The following SPTBN1 variants were observed in gnomAD, a reference collection of about 807,000 sequenced individuals.
The protein encoded by SPTBN1 is spectrin beta chain, non-erythrocytic 1.
In SPTBN1, 32 loss-of-function variants were observed where a neutral mutation model predicts 266.4. That is an observed-to-expected ratio of 0.12 (90% CI 0.09 to 0.16). The LOEUF (loss-of-function observed/expected upper bound fraction) is 0.16. Among genes scored for constraint, SPTBN1 ranks in the 10% least tolerant of loss-of-function variants. The pLI, the probability that SPTBN1 is intolerant of heterozygous loss-of-function variation, is 1.00. For missense variants in SPTBN1, 2,296 were observed against 3,067.1 expected (o/e 0.75, Z 5.94); for synonymous variants, 1,336 against 1,162.2 (o/e 1.15, Z -3.04).
chr2:54,641,397 T>C (rs761876858), intron 18 of SPTBN1, among the ~76,000 whole-genome samples: 1 of 152,232 alleles, frequency 6.6e-6, no homozygotes, highest in Non-Finnish European at 1.5e-5. Context: ...GCCTTCTGTT[T>C]TGTGTGTATG....
intron 2 of SPTBN1, among the ~76,000 whole-genome samples, chr2:54,571,830 T>C (rs1674107931): frequency 6.6e-6 from 1 of 152,210 alleles, no homozygotes; most frequent in African/African-American, 2.4e-5. Context: ...TTTAGCTGGT[T>C]TTCCTTCCAG....
At chr2:54,545,744 CT>C (rs1672198982) in intron 2 of SPTBN1, among the ~76,000 whole-genome samples, 1 of 152,068 alleles carries the variant, frequency 6.6e-6, no homozygotes, top group South Asian at 2.1e-4. Flanking sequence ...GCCTCTCTGT[CT>C]CAGTGTCCTT....
chr2:54,565,443 C>T (rs986089192), intron 2 of SPTBN1, among the ~76,000 whole-genome samples: 3 of 152,212 alleles, frequency 2.0e-5, no homozygotes, highest in Non-Finnish European at 4.4e-5. Flanking sequence ...TCTTCTGCCT[C>T]AGATGACCCT....
intron 1 of SPTBN1, among the ~76,000 whole-genome samples, chr2:54,460,804 C>T (rs1693327634): frequency 6.6e-6 from 1 of 152,176 alleles, no homozygotes; most frequent in African/African-American, 2.4e-5. Flanking sequence ...AGTTCAAGAC[C>T]AGCCTGGCCA....
chr2:54,579,671 G>C (rs1028897801), intron 2 of SPTBN1, among the ~76,000 whole-genome samples: 1 of 152,196 alleles, frequency 6.6e-6, no homozygotes, highest in Non-Finnish European at 1.5e-5. Flanking sequence ...AAGTACCTTT[G>C]TAAGTCCCGA....
chr2:54,532,239 A>C (rs1671299705), intron 2 of SPTBN1, among the ~76,000 whole-genome samples: 1 of 152,166 alleles, frequency 6.6e-6, no homozygotes, highest in South Asian at 2.1e-4. Context: ...CAGTGAGCCG[A>C]GATCACGCCA....
chr2:54,596,947 A>G (rs1480910938), intron 2 of SPTBN1, among the ~76,000 whole-genome samples: 1 of 152,220 alleles, frequency 6.6e-6, no homozygotes, highest in Non-Finnish European at 1.5e-5. Flanking sequence ...GAACCTGTTA[A>G]TTCAAAACCT....
At position 54,653,790 on chromosome 2, in the gene SPTBN1, T is replaced by C. The variant is rs752890426; in HGVS notation, c.5759T>C (p.Val1920Ala). 5.0e-6 allele frequency: 8 copies of C among 1,614,194 alleles called. No individual in the cohort carries two copies. Among genetic ancestry groups the C allele is most frequent in the Non-Finnish European group, 5.9e-6 (7 of 1,180,028 alleles). Residue 1920 changes from valine to alanine, a missense_variant, in exon 27 of 36, where the codon GTG becomes GCG. Physicochemically the swap from Val to Ala is moderately conservative, Grantham distance 64 (BLOSUM62 0). Coordinates refer to ENST00000356805, the MANE Select transcript of SPTBN1 (RefSeq NM_003128.3). The surrounding 1 kb of genome is among the most constrained non-coding windows in gnomAD (Gnocchi z 5.1). ...GACAAGTTCCGCTTCTTCAGCATGG[T>C]GCGCGACCTCATGCTCTGGATGGAG... The part of the protein sequence containing the change: ...TGDKFRFFSM[V>A]RDLMLWMEDV...
intron 1 of SPTBN1, among the ~76,000 whole-genome samples, chr2:54,501,602 A>T (rs1293650417): frequency 6.6e-6 from 1 of 152,214 alleles, no homozygotes; most frequent in Non-Finnish European, 1.5e-5. Flanking sequence ...GAGGAGATGG[A>T]CTTGGTGGAT....
chr2:54,646,282 T>C lies in SPTBN1; in HGVS notation c.4673T>C (p.Leu1558Pro). 6.2e-7 allele frequency: 1 copy of C among 1,614,178 alleles called. No individual in the cohort carries two copies. Among genetic ancestry groups the C allele is most frequent in the Middle Eastern group, 1.6e-4 (1 of 6,062 alleles). ...AACATCGTCACTGACAGCAGCAGCC[T>C]CAGCGCTGAGGCCATCAGACAGAGG... ...SQNIVTDSSSLSAEAIRQRLA... is the reference protein window; with the variant it reads ...SQNIVTDSSSPSAEAIRQRLA... Residue 1558 changes from leucine to proline, a missense_variant, in exon 23 of 36, where the codon CTC becomes CCC. Leu to Pro is a moderately conservative substitution (Grantham distance 98). Around this residue, in one of 12 missense-constraint regions of SPTBN1, gnomAD observed 644 missense variants for 745.3 expected, o/e 0.86. Coordinates refer to ENST00000356805, the MANE Select transcript of SPTBN1 (RefSeq NM_003128.3). This position sits in a 1 kb window ranked among gnomAD's most constrained non-coding sequence, Gnocchi z 4.4.
At chr2:54,557,660 G>T in intron 2 of SPTBN1, 1 of 940,618 alleles carries the variant, frequency 1.1e-6, no homozygotes, top group Non-Finnish European at 1.3e-6. Flanking sequence ...GATCTCGGCG[G>T]TGTTTACCTG....
rs777817390 is a variant in SPTBN1 at position 54,622,428 on chromosome 2, C to A, written c.1005C>A (p.Val335=). The stretch of plus-strand genomic sequence containing the variant: ...ATCGCAAATTTGCCAATTCACTGGT[C>A]GGGGTTCAACAGCAGCTTCAGGCAT... ...LNNRKFANSL[V]GVQQQLQAFN... The change falls in exon 9 of 36, where the codon GTC becomes GTA. Residue 335 remains valine, a synonymous_variant. Coordinates refer to ENST00000356805, the MANE Select transcript of SPTBN1 (RefSeq NM_003128.3). The A allele has an allele frequency of 2.5e-6, 4 of 1,614,134 alleles. No individual in the cohort carries two copies. In the East Asian group the frequency reaches 8.9e-5, roughly 36 times the overall value.
At chr2:54,597,866 C>CTTTTTTTT (rs531763576) in intron 2 of SPTBN1, among the ~76,000 whole-genome samples, 51 of 82,190 alleles carry the variant, frequency 6.2e-4, no homozygotes, top group Non-Finnish European at 9.7e-4. Flanking sequence ...GAGCTATCTG[C>CTTTTTTTT]TTTTTTTTTT....
chr2:54,598,977 T>G, intron 2 of SPTBN1, 115 bp from the exon 3 acceptor site: 1 of 1,165,770 alleles, frequency 8.6e-7, no homozygotes, highest in Non-Finnish European at 1.2e-6. Context: ...AGAGGTGTCC[T>G]TGGAGGTCAG....
At chr2:54,592,712 A>G (rs1012856768) in intron 2 of SPTBN1, among the ~76,000 whole-genome samples, 4 of 152,132 alleles carry the variant, frequency 2.6e-5, no homozygotes, top group African/African-American at 7.2e-5. Context: ...TTTCTAATAC[A>G]TCTTCTAAGA....
At chr2:54,525,476 C>T (rs535194531) in intron 1 of SPTBN1, among the ~76,000 whole-genome samples, 4 of 152,032 alleles carry the variant, frequency 2.6e-5, no homozygotes, top group Admixed American at 1.3e-4. Flanking sequence ...TCAGGTGATC[C>T]GCCCGCCTCA....
intron 26 of SPTBN1, among the ~76,000 whole-genome samples, chr2:54,650,784 CAGTG>C (rs1015227997): frequency 3.9e-5 from 6 of 152,218 alleles, no homozygotes; most frequent in Admixed American, 2.0e-4. Flanking sequence ...CAGCCATAGA[CAGTG>C]AGAAGATGAA....
rs62134710 is a variant in SPTBN1 at position 54,646,837 on chromosome 2, G to A, written c.4867-294G>A. Among the ~76,000 whole-genome samples, 1 of 152,126 alleles carries A rather than the reference G, an allele frequency of 6.6e-6. No homozygotes were observed. Among genetic ancestry groups the A allele is most frequent in the Admixed American group, 6.5e-5 (1 of 15,276 alleles). The stretch of plus-strand genomic sequence containing the variant: ...GAATGCTGCCATTTACATACTTGAG[G>A]GACCTTGAGGAATTCCAGCGAACCA... On this transcript the variant is annotated intron_variant, in intron 23 of 35. Transcript: ENST00000356805. The surrounding 1 kb of genome is among the most constrained non-coding windows in gnomAD (Gnocchi z 4.4).
intron 32 of SPTBN1, chr2:54,661,795 CT>C (rs754464314): frequency 1.1e-4 from 109 of 985,210 alleles, no homozygotes; most frequent in Non-Finnish European, 1.3e-4. Context: ...CAATTTGACA[CT>C]TTTTGTATCT....
Sources: allele counts gnomAD v4.1 joint callset (sites outside exome capture counted in the v4.1 genomes callset), GRCh38; gene constraint gnomAD v4.1.1; regional missense constraint gnomAD v4.1.1; non-coding constraint Gnocchi (gnomAD v3.1); transcripts MANE v1.5; gene names NCBI Gene and HGNC (gene_info 2026-07-23, HGNC 2026-07-21).